PLXDC2: variants seen among roughly 807,000 people sequenced by gnomAD.
The protein encoded by PLXDC2 is plexin domain containing 2.
A neutral mutation model predicts 68.9 loss-of-function variants in PLXDC2; 40 were observed. The observed-to-expected ratio is 0.58, with a 90% CI of 0.45 to 0.76. The LOEUF is 0.76. PLXDC2 is among the 30% of genes least tolerant of loss of function. PLXDC2 has a pLI of 0.00. For missense variants in PLXDC2, 644 were observed against 661.9 expected, an observed-to-expected ratio of 0.97 and a Z score of 0.30; for synonymous variants, 243 against 234.2, an observed-to-expected ratio of 1.04 and a Z score of -0.34.
chr10:20,000,888 C>T (rs1302710329), intron 1 of PLXDC2, among the ~76,000 whole-genome samples: 1 of 152,176 alleles, frequency 6.6e-6, no homozygotes, highest in Non-Finnish European at 1.5e-5. Context: ...TAGAAGAAGG[C>T]TGTTCTTGTT....
At position 20,276,281 on chromosome 10, in the gene PLXDC2, G is replaced by A. The variant is rs191088905; in HGVS notation, c.1474-3422G>A. Among the ~76,000 whole-genome samples the A allele has an allele frequency of 2.1e-3, 313 of 152,290 alleles. 1 individual carries two copies. The highest frequency in any genetic ancestry group is 7.3e-3 in the African/African-American group (305 of 41,566). On this transcript the variant is annotated intron_variant, in intron 13 of 13. Coordinates refer to ENST00000377252, the MANE Select transcript of PLXDC2 (RefSeq NM_032812.9). Reference sequence around the variant, plus strand: ...CTCTGTGTTGCTCTCTGAACTGGAAGAAAGGTCTCCAGCTGCGGTTTTGTG... The same window carrying A: ...CTCTGTGTTGCTCTCTGAACTGGAAAAAAGGTCTCCAGCTGCGGTTTTGTG...
chr10:20,251,871 A>C (rs1398761733), intron 13 of PLXDC2, among the ~76,000 whole-genome samples: 5 of 152,156 alleles, frequency 3.3e-5, no homozygotes, highest in Non-Finnish European at 7.4e-5. Flanking sequence ...AATGAAGAGA[A>C]ATTGATAAGA....
chr10:20,072,524 A>AAAGAAAGAAAGAAAGAAAGAAAGG (rs1564304802), intron 4 of PLXDC2, among the ~76,000 whole-genome samples: 29 of 103,650 alleles, frequency 2.8e-4, no homozygotes, highest in East Asian at 2.2e-3. Context: ...AGAAAGAAAG[A>AAAGAAAGAAAGAAAGAAAGAAAGG]AAGAAAGAAA....
rs1196429877 is a variant in PLXDC2 at position 20,281,719 on chromosome 10, T to C, written c.*1900T>C. On this transcript the variant is annotated 3_prime_UTR_variant, in exon 14 of 14. Transcript: ENST00000377252. Reference sequence around the variant, plus strand: ...ACAATCTCTTTGCAGCAGCTATGTATGGTTTATGTGAAGTATCCCCACTTA... The same window carrying C: ...ACAATCTCTTTGCAGCAGCTATGTACGGTTTATGTGAAGTATCCCCACTTA... The C allele has an allele frequency of 6.6e-6, 1 of 152,188 alleles. No individual in the cohort carries two copies. Among genetic ancestry groups the C allele is most frequent in the African/African-American group, 2.4e-5 (1 of 41,458 alleles). 9.4% of individuals were successfully genotyped at this position (152,188 alleles called of 1,614,324 possible).
intron 9 of PLXDC2, among the ~76,000 whole-genome samples, chr10:20,182,982 T>G (rs755169237): frequency 6.6e-6 from 1 of 151,950 alleles, no homozygotes; most frequent in Non-Finnish European, 1.5e-5. Context: ...ACTAATGAAT[T>G]AGAAGTGAAG....
intron 4 of PLXDC2, among the ~76,000 whole-genome samples, chr10:20,101,888 C>G (rs1482138116): frequency 6.6e-6 from 1 of 152,004 alleles, no homozygotes; most frequent in Non-Finnish European, 1.5e-5. Context: ...ACCTCCACCT[C>G]CCAGGTTCGA....
intron 1 of PLXDC2, among the ~76,000 whole-genome samples, chr10:19,907,882 G>A (rs886546497): frequency 2.0e-5 from 3 of 152,206 alleles, no homozygotes; most frequent in South Asian, 2.1e-4. Context: ...TCTTCAGAAA[G>A]TCTGTCGGCA....
At chr10:20,032,085 T>A (rs1249511079) in intron 2 of PLXDC2, among the ~76,000 whole-genome samples, 1 of 152,120 alleles carries the variant, frequency 6.6e-6, no homozygotes, top group Non-Finnish European at 1.5e-5. Context: ...CCTTCCAAAG[T>A]GCTGGGATTA....
intron 2 of PLXDC2, among the ~76,000 whole-genome samples, chr10:20,008,896 T>C (rs991403947): frequency 2.0e-5 from 3 of 152,210 alleles, no homozygotes; most frequent in African/African-American, 7.2e-5. Flanking sequence ...CTCCTTCACC[T>C]TCTGCCGTGA....
At chr10:19,877,773 C>T (rs1853948) in intron 1 of PLXDC2, among the ~76,000 whole-genome samples, 118,196 of 152,254 alleles carry the variant, frequency 0.78, 46,422 homozygotes, top group African/African-American at 0.9. Context: ...TATTCGGGGC[C>T]TTTTTATAAT....
chr10:20,202,026 T>G (rs1834927193), intron 9 of PLXDC2, among the ~76,000 whole-genome samples: 2 of 152,186 alleles, frequency 1.3e-5, no homozygotes, highest in African/African-American at 4.8e-5. Flanking sequence ...ATTTAACATA[T>G]ACATATTATT....
At chr10:19,845,144 G>GCT (rs1455914070) in intron 1 of PLXDC2, among the ~76,000 whole-genome samples, 4 of 152,138 alleles carry the variant, frequency 2.6e-5, no homozygotes, top group Non-Finnish European at 5.9e-5. Context: ...TCCCTTCTCT[G>GCT]CTCTCCACGT....
chr10:20,201,536 A>G (rs548323358), intron 9 of PLXDC2, among the ~76,000 whole-genome samples: 1 of 152,110 alleles, frequency 6.6e-6, no homozygotes, highest in East Asian at 1.9e-4. Context: ...TATAACATAT[A>G]TAATAACAAT....
chr10:19,981,389 C>G (rs1256176134), intron 1 of PLXDC2, among the ~76,000 whole-genome samples: 1 of 152,186 alleles, frequency 6.6e-6, no homozygotes, highest in African/African-American at 2.4e-5. Flanking sequence ...ATACTAAAGT[C>G]TTGATACATG....
intron 1 of PLXDC2, among the ~76,000 whole-genome samples, chr10:19,992,502 T>C (rs1431431052): frequency 2.6e-5 from 4 of 152,204 alleles, no homozygotes; most frequent in Admixed American, 2.6e-4. Flanking sequence ...ATTCAGTGGA[T>C]GCTCTGAGTT....
chr10:20,145,636 G>A (rs755328892), intron 5 of PLXDC2, among the ~76,000 whole-genome samples: 15 of 152,104 alleles, frequency 9.9e-5, no homozygotes, highest in Middle Eastern at 3.4e-3. Context: ...TACAACCTCC[G>A]CTTCCCGGGT....
intron 4 of PLXDC2, among the ~76,000 whole-genome samples, chr10:20,116,948 T>G (rs1309272414): frequency 6.6e-6 from 1 of 151,046 alleles, no homozygotes; most frequent in African/African-American, 2.4e-5. Context: ...TAATGCACAA[T>G]GAATAAAAAT....
intron 2 of PLXDC2, among the ~76,000 whole-genome samples, chr10:20,035,444 C>T (rs1049563825): frequency 6.6e-6 from 1 of 152,132 alleles, no homozygotes; most frequent in Admixed American, 6.6e-5. Flanking sequence ...TGCCTGTAAT[C>T]CCAGCATTTT....
chr10:19,961,509 G>A (rs575608046), intron 1 of PLXDC2, among the ~76,000 whole-genome samples: 34 of 152,318 alleles, frequency 2.2e-4, no homozygotes, highest in South Asian at 8.3e-4. Context: ...CAAAAATTGC[G>A]TAAGGAGGGT....
Sources: allele counts gnomAD v4.1 joint callset (sites outside exome capture counted in the v4.1 genomes callset), GRCh38; gene constraint gnomAD v4.1.1; transcripts MANE v1.5; gene names NCBI Gene and HGNC (gene_info 2026-07-23, HGNC 2026-07-21).